CORO7: variants seen among roughly 807,000 people sequenced by gnomAD.
The protein encoded by CORO7 is coronin 7.
In CORO7, 107 loss-of-function variants were observed where a neutral mutation model predicts 126.6. The ratio of observed to expected loss-of-function variants is 0.85; its 90% CI spans 0.72 to 0.99. The LOEUF is 0.99. Ranked by LOEUF, CORO7 falls within the 50% of genes least tolerant of loss-of-function variation. The pLI, the probability that CORO7 is intolerant of heterozygous loss-of-function variation, is 0.00. For missense variants in CORO7, 1,314 were observed against 1,255.8 expected (o/e 1.05, Z -0.70); for synonymous variants, 603 against 536.8 (o/e 1.12, Z -1.70).
chr16:4,409,280 C>CCCAGCTGGCAGGA (rs1326327860), intron 3 of CORO7, among the ~76,000 whole-genome samples: 1 of 152,250 alleles, frequency 6.6e-6, no homozygotes, highest in Non-Finnish European at 1.5e-5. Context: ...GGCCTGGAAT[C>CCCAGCTGGCAGGA]CCAGCTGGCA....
intron 9 of CORO7, chr16:4,382,786 GCAA>G: frequency 6.3e-7 from 1 of 1,582,382 alleles, no homozygotes; most frequent in Non-Finnish European, 8.6e-7. Context: ...AGGCCCGAAG[GCAA>G]CAGAGGGCGG....
rs903498453 is a variant in CORO7 at position 4,354,741 on chromosome 16, C to A, written c.*417G>T. On this transcript the variant is annotated 3_prime_UTR_variant, in exon 28 of 28. Transcript: ENST00000251166. The stretch of plus-strand genomic sequence containing the variant: ...AGAAGGCCTGGTGGGGGGCCAGCCC[C>A]CAAGGCCCTTGACCAGAACTGGAAC... 3 of 207,306 alleles carry A rather than the reference C, an allele frequency of 1.4e-5. No homozygotes were observed. Among genetic ancestry groups the A allele is most frequent in the African/African-American group, 6.9e-5 (3 of 43,586 alleles). 12.8% of individuals were successfully genotyped at this position (207,306 alleles called of 1,614,324 possible).
intron 23 of CORO7, chr16:4,358,715 G>A (rs756745483): frequency 2.1e-5 from 9 of 430,174 alleles, no homozygotes; most frequent in Non-Finnish European, 3.3e-5. Context: ...CAGCTTCTAC[G>A]TGCCACCTCC....
At chr16:4,370,246 A>C (rs1452805488) in intron 9 of CORO7, among the ~76,000 whole-genome samples, 1 of 152,238 alleles carries the variant, frequency 6.6e-6, no homozygotes, top group South Asian at 2.1e-4. Context: ...CAGTCCGACA[A>C]GAGGCTGCAC....
At chr16:4,381,763 G>C in intron 9 of CORO7, 1 of 1,602,206 alleles carries the variant, frequency 6.2e-7, no homozygotes, top group Non-Finnish European at 8.5e-7. Context: ...GCTGGCAGCT[G>C]CCCGCAACCC....
In CORO7 at chr16:4,416,467, G is replaced by A. The variant is rs749326506; in HGVS notation, c.52C>T (p.Arg18Cys). 1 of 1,575,170 alleles carries A rather than the reference G, an allele frequency of 6.3e-7. No homozygotes were observed. The highest frequency in any genetic ancestry group is 1.1e-5 in the South Asian group (1 of 87,250). The change falls in exon 1 of 28, where the codon CGC (arginine) becomes TGC (cysteine). Residue 18 changes from arginine to cysteine, a missense_variant. Physicochemically the swap from Arg to Cys is radical, Grantham distance 180. Coordinates refer to ENST00000251166, the MANE Select transcript of CORO7 (RefSeq NM_024535.5). ...CCTCGGGCCGGACTCACCTCGCGGC[G>A]GGGCGGCCGAGCCTCGGTGTGCCGG... ...KFRHTEARPP[R>C]RESWISDIRA...
intron 7 of CORO7, among the ~76,000 whole-genome samples, chr16:4,393,499 C>A (rs1249280113): frequency 6.6e-6 from 1 of 152,208 alleles, no homozygotes; most frequent in East Asian, 1.9e-4. Context: ...CGGTCTTCAG[C>A]TGGACAAAAG....
chr16:4,375,893 C>T (rs1203583395), intron 9 of CORO7, among the ~76,000 whole-genome samples: 2 of 152,162 alleles, frequency 1.3e-5, no homozygotes, highest in Non-Finnish European at 2.9e-5. Context: ...AAAGCCCTGG[C>T]GTCACAGGTG....
chr16:4,393,490 G>GGCTTTCTTTTGTCCA (rs1440406329), intron 7 of CORO7, among the ~76,000 whole-genome samples: 1 of 152,158 alleles, frequency 6.6e-6, no homozygotes, highest in East Asian at 1.9e-4. Context: ...GAGTCCTCTC[G>GGCTTTCTTTTGTCCA]GTCTTCAGCT....
intron 7 of CORO7, among the ~76,000 whole-genome samples, chr16:4,390,072 G>A (rs1251901848): frequency 1.3e-5 from 2 of 152,220 alleles, no homozygotes. Flanking sequence ...AAGTCCCTGT[G>A]CCCGTGGAAT....
intron 9 of CORO7, among the ~76,000 whole-genome samples, chr16:4,386,828 G>A (rs768961177): frequency 2.4e-4 from 36 of 152,172 alleles, no homozygotes; most frequent in Middle Eastern, 3.2e-3. Flanking sequence ...TCCTCTGGGC[G>A]GCTCTCAGCC....
intron 1 of CORO7, among the ~76,000 whole-genome samples, chr16:4,415,028 AT>A (rs956720841): frequency 4.6e-5 from 7 of 151,156 alleles, no homozygotes; most frequent in African/African-American, 1.7e-4. Context: ...CACCTGGCTA[AT>A]TTTTTTTTCT....
intron 3 of CORO7, among the ~76,000 whole-genome samples, chr16:4,411,072 C>A (rs2056189630): frequency 6.6e-6 from 1 of 152,182 alleles, no homozygotes; most frequent in South Asian, 2.1e-4. Context: ...TGGCAGTGCA[C>A]ATGACTCGGT....
In CORO7 at chr16:4,357,244, C is replaced by A. The variant is rs145777624; in HGVS notation, c.2609G>T (p.Arg870Leu). The change falls in exon 26 of 28, where the codon CGA becomes CTA. Residue 870 changes from arginine to leucine, a missense_variant. Physicochemically the swap from Arg to Leu is moderately radical, Grantham distance 102 (BLOSUM62 -2). Transcript: ENST00000251166. Reference protein sequence around the residue: ...PDMSPVSQAPREAPARRAPSS... With the variant: ...PDMSPVSQAPLEAPARRAPSS... The stretch of plus-strand genomic sequence containing the variant: ...TGGGGCCCGACGAGCAGGGGCCTCT[C>A]GGGGGGCTTGGCTCACTGGGACAGA... 187 of 1,613,206 alleles carry A rather than the reference C, an allele frequency of 1.2e-4. 1 individual carries two copies. The African/African-American group carries it at 1.7e-3, about 15-fold the overall frequency.
At chr16:4,412,068 C>T (rs992807700) in intron 3 of CORO7, among the ~76,000 whole-genome samples, 2 of 151,954 alleles carry the variant, frequency 1.3e-5, no homozygotes, top group African/African-American at 2.4e-5. Context: ...GAGTCCTCGG[C>T]AGGGACAGGG....
intron 1 of CORO7, among the ~76,000 whole-genome samples, chr16:4,414,653 C>G (rs1307022570): frequency 6.6e-6 from 1 of 152,132 alleles, no homozygotes; most frequent in Non-Finnish European, 1.5e-5. Context: ...ACCTGTTCTC[C>G]CGCCTCCCTA....
chr16:4,409,603 A>G (rs1276986584), intron 3 of CORO7, among the ~76,000 whole-genome samples: 1 of 152,342 alleles, frequency 6.6e-6, no homozygotes, highest in South Asian at 2.1e-4. Context: ...GAGGGTGAGT[A>G]ACTGCCCCAA....
rs771918915 is a variant in CORO7, at chr16:4,361,466, G to T, written c.1582C>A (p.Arg528=). 1.2e-6 allele frequency: 2 copies of T among 1,611,266 alleles called. No homozygotes were observed. Among genetic ancestry groups the T allele is most frequent in the Admixed American group, 1.7e-5 (1 of 59,852 alleles). Residue 528 remains arginine (R), a synonymous_variant, in exon 17 of 28, where the codon CGG becomes AGG. Coordinates refer to ENST00000251166, the MANE Select transcript of CORO7 (RefSeq NM_024535.5). ...GTGTCGGGCAGGCGGCCAGGCTTCC[G>T]TAGCTGTGGGAGGTGCCCCCACCCC... ...SGGQVAVLEL[R]KPGRLPDTAL... is the part of the protein sequence containing the mutation.
intron 6 of CORO7, among the ~76,000 whole-genome samples, chr16:4,399,419 A>G (rs2141294716): frequency 6.6e-6 from 1 of 152,336 alleles, no homozygotes; most frequent in Non-Finnish European, 1.5e-5. Context: ...TATGTGGGGC[A>G]TCTAAAGTAG....
Sources: gnomAD v4.1 joint callset for allele counts (sites outside exome capture counted in the v4.1 genomes callset) on GRCh38, gnomAD v4.1.1 for gene constraint, MANE v1.5 for transcripts, NCBI Gene and HGNC (gene_info 2026-07-23, HGNC 2026-07-21) for gene names.